KYAT3: variants seen among roughly 807,000 people sequenced by gnomAD.
The protein encoded by KYAT3 is kynurenine aminotransferase 3.
Under a neutral mutation model 59.0 loss-of-function variants are expected in KYAT3, and 50 were observed. The observed-to-expected ratio is 0.85, with a 90% confidence interval of 0.68 to 1.07. KYAT3 has a LOEUF of 1.07. Ranked by LOEUF, KYAT3 falls within the 50% of genes least tolerant of loss-of-function variation. The probability of loss-of-function intolerance (pLI) is 0.00; values close to 1 mark genes in which losing one functional copy is unlikely to be tolerated. For missense variants in KYAT3, 497 were observed against 533.3 expected (o/e 0.93, Z 0.67); for synonymous variants, 148 against 177.0 (o/e 0.84, Z 1.30).
At chr1:88,980,718 T>G (rs555631750) in intron 2 of KYAT3, 7 of 152,330 alleles carry the variant, frequency 4.6e-5, no homozygotes, top group African/African-American at 1.2e-4. Context: ...AAACTCTATA[T>G]CCTATATTTA....
At chr1:88,928,377 G>A in the KYAT3 span, among the ~76,000 whole-genome samples, 2 of 150,350 alleles carry the variant, frequency 1.3e-5, no homozygotes, top group African/African-American at 2.5e-5. Flanking sequence ...CGGGACAAAC[G>A]GGATAAAAAA....
intron 1 of KYAT3, 101 bp from the exon 2 acceptor site, chr1:88,988,452 A>G (rs1677600001): frequency 1.6e-6 from 1 of 608,196 alleles, no homozygotes. Context: ...CTTACGTAAA[A>G]TCCAAGTAAA....
chr1:88,925,750 T>TAG, the KYAT3 span, among the ~76,000 whole-genome samples: 2 of 136,858 alleles, frequency 1.5e-5, no homozygotes, highest in African/African-American at 2.8e-5. Context: ...ACAGAGGAGA[T>TAG]AGAGAGAGAG....
At chr1:88,991,138 A>G (rs1211510197) in intron 1 of KYAT3, among the ~76,000 whole-genome samples, 1 of 152,240 alleles carries the variant, frequency 6.6e-6, no homozygotes, top group African/African-American at 2.4e-5. Context: ...ACTGTTTAAA[A>G]TGAAGATTCA....
At chr1:88,928,062 C>A in the KYAT3 span, among the ~76,000 whole-genome samples, 1 of 151,640 alleles carries the variant, frequency 6.6e-6, no homozygotes, top group South Asian at 2.1e-4. Flanking sequence ...CTAACTTGCG[C>A]GCTAGAAGGA....
chr1:88,936,546 T>C (rs912834099), intron 13 of KYAT3, among the ~76,000 whole-genome samples: 2 of 152,206 alleles, frequency 1.3e-5, no homozygotes, highest in Middle Eastern at 3.2e-3. Context: ...TAACCTTTTA[T>C]GGCAATTTCT....
intron 2 of KYAT3, among the ~76,000 whole-genome samples, chr1:88,970,712 T>C (rs766078460): frequency 6.6e-6 from 1 of 152,198 alleles, no homozygotes; most frequent in African/African-American, 2.4e-5. Context: ...AGTTTTATAC[T>C]ATCTCCCAAA....
At chr1:88,938,259 T>C (rs1304252596) in intron 13 of KYAT3, among the ~76,000 whole-genome samples, 3 of 152,208 alleles carry the variant, frequency 2.0e-5, no homozygotes, top group Non-Finnish European at 2.9e-5. Flanking sequence ...CCACCTATCT[T>C]CCTCAGCCAC....
chr1:88,936,017 C>G lies in KYAT3; in HGVS notation c.*166G>C. On this transcript the variant is annotated 3_prime_UTR_variant, in exon 14 of 14. Transcript: ENST00000260508. ...TTCAACTGGAAAAAAAAGGTCAGAT[C>G]CCCCGAAAATGTTGTTAGGAGTTGG... 1 of 511,958 alleles carries G rather than the reference C, an allele frequency of 2.0e-6. No individual in the cohort carries two copies. 31.7% of individuals were successfully genotyped at this position (511,958 alleles called of 1,614,324 possible). A position where few individuals can be genotyped will look rare whatever the true frequency, so the allele number is the denominator to read the frequency against.
chr1:88,957,321 A>C (rs923924798), intron 8 of KYAT3, among the ~76,000 whole-genome samples: 5 of 152,194 alleles, frequency 3.3e-5, no homozygotes, highest in African/African-American at 1.2e-4. Context: ...CTTCCAAAAT[A>C]CTCCAAAAGA....
At chr1:88,986,276 G>A (rs1408558248) in intron 2 of KYAT3, among the ~76,000 whole-genome samples, 6 of 151,268 alleles carry the variant, frequency 4.0e-5, no homozygotes, top group Admixed American at 3.3e-4. Context: ...TGTTGCTTTT[G>A]CGCTTCTCTG....
intron 11 of KYAT3, among the ~76,000 whole-genome samples, chr1:88,946,719 A>C: frequency 6.6e-6 from 1 of 152,210 alleles, no homozygotes; most frequent in East Asian, 1.9e-4. Flanking sequence ...ATATAGAAAA[A>C]GCACTTCCCA....
At chr1:88,934,989 ATTT>A (rs59691903), downstream of KYAT3, among the ~76,000 whole-genome samples, 4 of 110,094 alleles carry the variant, frequency 3.6e-5, no homozygotes, top group Admixed American at 1.0e-4. Context: ...TAAAGAAGTG[ATTT>A]TTTTTTTTTT....
intron 13 of KYAT3, among the ~76,000 whole-genome samples, chr1:88,942,303 T>C (rs990564860): frequency 2.6e-5 from 4 of 152,114 alleles, no homozygotes; most frequent in African/African-American, 9.7e-5. Flanking sequence ...TGTTCACTTA[T>C]TATTACCACG....
chr1:88,959,082 A>G (rs567605368), intron 8 of KYAT3, among the ~76,000 whole-genome samples: 1 of 152,188 alleles, frequency 6.6e-6, no homozygotes, highest in Non-Finnish European at 1.5e-5. Context: ...GATTGAGAAC[A>G]GTCCGAGCAA....
At chr1:88,973,580 T>C (rs1046665666) in intron 2 of KYAT3, among the ~76,000 whole-genome samples, 1 of 152,178 alleles carries the variant, frequency 6.6e-6, no homozygotes, top group African/African-American at 2.4e-5. Context: ...GTGATATGAC[T>C]TTGGCTACCA....
chr1:88,925,840 T>C, the KYAT3 span, among the ~76,000 whole-genome samples: 2 of 152,138 alleles, frequency 1.3e-5, no homozygotes, highest in African/African-American at 2.4e-5. Context: ...GTGTGCCCTA[T>C]TCCTTTAAAA....
At chr1:88,934,693 T>C (rs1351038984), downstream of KYAT3, among the ~76,000 whole-genome samples, 1 of 152,150 alleles carries the variant, frequency 6.6e-6, no homozygotes, top group East Asian at 1.9e-4. Context: ...CAAAAGCAAC[T>C]TGTCTGAAGT....
intron 11 of KYAT3, among the ~76,000 whole-genome samples, chr1:88,945,869 C>G (rs1286664661): frequency 6.6e-6 from 1 of 152,130 alleles, no homozygotes; most frequent in Non-Finnish European, 1.5e-5. Flanking sequence ...TGGACATTAA[C>G]ATTTTTCCAC....
Sources: allele counts gnomAD v4.1 joint callset (sites outside exome capture counted in the v4.1 genomes callset), GRCh38; gene constraint gnomAD v4.1.1; transcripts MANE v1.5; gene names NCBI Gene and HGNC (gene_info 2026-07-23, HGNC 2026-07-21).